RNF150: variants seen among roughly 807,000 people sequenced by gnomAD.
RNF150 encodes ring finger protein 150.
In RNF150, 24 loss-of-function variants were observed where a neutral mutation model predicts 39.3. The ratio of observed to expected loss-of-function variants is 0.61; its 90% CI spans 0.44 to 0.86. The LOEUF is 0.86. RNF150 is among the 40% of genes least tolerant of loss of function. The pLI, the probability that RNF150 is intolerant of heterozygous loss-of-function variation, is 0.00. For synonymous variants in RNF150, 255 were observed against 227.3 expected (o/e 1.12, Z -1.10); for missense variants, 502 against 587.8 (o/e 0.85, Z 1.51).
At position 141,115,064 on chromosome 4, in the gene RNF150, T is replaced by A. The variant is rs193193310; in HGVS notation, c.484+17261A>T. Among the ~76,000 whole-genome samples the A allele has an allele frequency of 3.7e-4, 56 of 152,248 alleles. 1 individual carries two copies. Among genetic ancestry groups the A allele is most frequent in the Non-Finnish European group, 1.3e-4 (9 of 68,014 alleles). ...CTGAATGGGCAAAAGCTGGAAGAAT[T>A]CCCTTTGAAAACCAGCACAAGACAA... On this transcript the variant is annotated intron_variant, in intron 1 of 6. Coordinates refer to ENST00000515673, the MANE Select transcript of RNF150 (RefSeq NM_020724.2).
At chr4:141,083,667 CA>C (rs956440693) in intron 1 of RNF150, among the ~76,000 whole-genome samples, 24 of 145,814 alleles carry the variant, frequency 1.6e-4, no homozygotes, top group East Asian at 4.0e-4. Flanking sequence ...TCCCCAAAGG[CA>C]AAAAAAAAAC....
intron 1 of RNF150, among the ~76,000 whole-genome samples, chr4:141,099,552 C>T (rs933303617): frequency 2.0e-5 from 3 of 152,092 alleles, no homozygotes; most frequent in African/African-American, 7.2e-5. Flanking sequence ...AAACTTCACC[C>T]CAACCATGTG....
intron 1 of RNF150, among the ~76,000 whole-genome samples, chr4:141,116,796 A>G (rs779986439): frequency 6.6e-6 from 1 of 152,246 alleles, no homozygotes; most frequent in Non-Finnish European, 1.5e-5. Flanking sequence ...CATACCATGA[A>G]ATAGTATGCA....
intron 1 of RNF150, among the ~76,000 whole-genome samples, chr4:141,208,093 A>C (rs1226832146): frequency 6.6e-6 from 1 of 152,254 alleles, no homozygotes; most frequent in Non-Finnish European, 1.5e-5. Flanking sequence ...GATCATCAGC[A>C]GAATGTCCGG....
intron 1 of RNF150, among the ~76,000 whole-genome samples, chr4:141,146,848 C>A (rs1727212909): frequency 6.6e-6 from 1 of 152,150 alleles, no homozygotes; most frequent in South Asian, 2.1e-4. Flanking sequence ...ATCAACAATA[C>A]CTTCTTTCCA....
Position 141,007,608 on chromosome 4 carries a change from T to C in RNF150, c.485-39735A>G, listed in dbSNP as rs149153944. 6.6e-5 allele frequency among the ~76,000 whole-genome samples: 10 copies of C among 152,350 alleles called. No homozygotes were observed. The East Asian group carries it at 1.9e-3, about 29-fold the overall frequency. ...TTATTTTACTTTAGAAGATAAAATT[T>C]GATGTTGAAGTAAAATTTCCCAACT... On this transcript the variant is annotated intron_variant, in intron 1 of 6. Coordinates refer to ENST00000515673, the MANE Select transcript of RNF150 (RefSeq NM_020724.2).
intron 1 of RNF150, among the ~76,000 whole-genome samples, chr4:141,042,151 G>GA (rs1251824809): frequency 3.3e-5 from 5 of 151,832 alleles, no homozygotes; most frequent in African/African-American, 7.3e-5. Flanking sequence ...ATAAAGTGAG[G>GA]AAAAAAATCA....
At chr4:141,189,639 T>A in intron 1 of RNF150, among the ~76,000 whole-genome samples, 1 of 152,098 alleles carries the variant, frequency 6.6e-6, no homozygotes, top group Non-Finnish European at 1.5e-5. Context: ...CACAGTTGCT[T>A]TGCTGCACTG....
At chr4:141,168,011 A>G (rs1727632432) in intron 1 of RNF150, among the ~76,000 whole-genome samples, 1 of 152,234 alleles carries the variant, frequency 6.6e-6, no homozygotes, top group Non-Finnish European at 1.5e-5. Context: ...AAGGCAACCT[A>G]CAGAATGGGA....
intron 1 of RNF150, among the ~76,000 whole-genome samples, chr4:141,032,260 T>A (rs1433238278): frequency 6.6e-6 from 1 of 152,082 alleles, no homozygotes; most frequent in Non-Finnish European, 1.5e-5. Flanking sequence ...GAGAGTCGAA[T>A]GATGGTGGCC....
intron 2 of RNF150, among the ~76,000 whole-genome samples, chr4:140,959,051 C>T (rs969384325): frequency 1.3e-5 from 2 of 152,124 alleles, no homozygotes; most frequent in East Asian, 1.9e-4. Context: ...CTTCCTCTCC[C>T]AACCTGGCCT....
intron 1 of RNF150, among the ~76,000 whole-genome samples, chr4:141,164,392 C>G (rs1727566023): frequency 6.6e-6 from 1 of 152,104 alleles, no homozygotes; most frequent in Non-Finnish European, 1.5e-5. Flanking sequence ...AGGATATTAT[C>G]CAGGAGAACT....
At chr4:141,206,025 G>A (rs1249969496) in intron 1 of RNF150, among the ~76,000 whole-genome samples, 1 of 152,128 alleles carries the variant, frequency 6.6e-6, no homozygotes, top group Non-Finnish European at 1.5e-5. Context: ...GATCACTCTT[G>A]CAGTGCCTGC....
intron 2 of RNF150, among the ~76,000 whole-genome samples, chr4:140,959,005 T>C (rs762754574): frequency 1.3e-5 from 2 of 152,148 alleles, no homozygotes. Context: ...GAGTCTGATA[T>C]AAAAGGTTTC....
At chr4:140,958,994 A>G (rs939641444) in intron 2 of RNF150, among the ~76,000 whole-genome samples, 3 of 152,152 alleles carry the variant, frequency 2.0e-5, no homozygotes, top group Non-Finnish European at 4.4e-5. Context: ...TAACAGGTGA[A>G]GAGTCTGATA....
At position 141,133,054 on chromosome 4, in the gene RNF150, G is replaced by T. The variant is rs1037341334; in HGVS notation, c.-246C>A. ...ATTTTGCTTCTTGGGCGCCCGGGGGGCGCGGGAACAGAGGGCCCGCGGGGC... is the reference window on the plus strand; with the variant it reads ...ATTTTGCTTCTTGGGCGCCCGGGGGTCGCGGGAACAGAGGGCCCGCGGGGC... On this transcript the variant is annotated 5_prime_UTR_variant, in exon 1 of 7. Coordinates refer to ENST00000515673, the MANE Select transcript of RNF150 (RefSeq NM_020724.2). 4.7e-6 allele frequency: 2 copies of T among 425,552 alleles called. No individual in the cohort carries two copies. Among genetic ancestry groups the T allele is most frequent in the Non-Finnish European group, 8.4e-6 (2 of 238,216 alleles). 26.4% of individuals were successfully genotyped at this position (425,552 alleles called of 1,614,324 possible). A position where few individuals can be genotyped will look rare whatever the true frequency, so the allele number is the denominator to read the frequency against.
intron 1 of RNF150, among the ~76,000 whole-genome samples, chr4:141,061,885 T>G (rs777672548): frequency 1.3e-5 from 2 of 152,096 alleles, no homozygotes; most frequent in African/African-American, 2.4e-5. Flanking sequence ...CTGACATAAA[T>G]AAACTAAATT....
chr4:141,136,279 G>A (rs1441354364), upstream of RNF150, among the ~76,000 whole-genome samples: 2 of 152,138 alleles, frequency 1.3e-5, no homozygotes, highest in African/African-American at 4.8e-5. Flanking sequence ...GAATGTCTGT[G>A]GTTGGGGGGC....
intron 1 of RNF150, among the ~76,000 whole-genome samples, chr4:141,116,764 G>A (rs1578745776): frequency 1.3e-5 from 2 of 152,286 alleles, no homozygotes; most frequent in Admixed American, 1.3e-4. Flanking sequence ...TGATAGACTG[G>A]ATAAAGAAAA....
Sources: allele counts gnomAD v4.1 joint callset (sites outside exome capture counted in the v4.1 genomes callset), GRCh38; gene constraint gnomAD v4.1.1; transcripts MANE v1.5; gene names NCBI Gene and HGNC (gene_info 2026-07-23, HGNC 2026-07-21).